Variants in DMGDH observed in about 807,000 individuals in gnomAD.
DMGDH encodes dimethylglycine dehydrogenase.
In DMGDH, 76 loss-of-function variants were observed where a neutral mutation model predicts 95.2. The ratio of observed to expected loss-of-function variants is 0.80; its 90% confidence interval spans 0.66 to 0.97. The LOEUF is 0.97. Ranked by LOEUF, DMGDH falls within the 50% of genes least tolerant of loss-of-function variation. The probability of loss-of-function intolerance (pLI) is 0.00; values close to 1 mark genes in which losing one functional copy is unlikely to be tolerated. For synonymous variants in DMGDH, 345 were observed against 377.6 expected (o/e 0.91, Z 1.00); for missense variants, 987 against 1,055.0 (o/e 0.94, Z 0.89).
chr5:79,050,248 CAAAAAAA>C lies in DMGDH; in HGVS notation c.745+1032_745+1038del, dbSNP rs57662602. Among the ~76,000 whole-genome samples, 564 of 78,386 alleles carry C rather than the reference CAAAAAAA, an allele frequency of 7.2e-3. 3 individuals carry two copies. The highest frequency in any genetic ancestry group is 0.029 in the African/African-American group (541 of 18,688). The allele number at this position is 78,386 out of a possible 152,430, so 51.4% of individuals were successfully genotyped here. ...GGGGCACAAGAGCAAAACTTTGTCT[CAAAAAAA>C]AAAAAAAAAAAAAAAAAAATATATA... On this transcript the variant is annotated intron_variant, in intron 5 of 15. Coordinates refer to ENST00000255189, the MANE Select transcript of DMGDH (RefSeq NM_013391.3).
chr5:79,045,773 T>C (rs1166951028), intron 5 of DMGDH, among the ~76,000 whole-genome samples: 2 of 152,206 alleles, frequency 1.3e-5, no homozygotes, highest in African/African-American at 2.4e-5. Context: ...TAACCAGTAC[T>C]GTCTCTGCTG....
intron 7 of DMGDH, among the ~76,000 whole-genome samples, chr5:79,041,105 C>T (rs1213483496): frequency 1.3e-5 from 2 of 152,208 alleles, no homozygotes; most frequent in Admixed American, 6.5e-5. Context: ...TTTCTCTTTC[C>T]CTTCAATATC....
At chr5:79,031,203 T>C (rs1021561288) in intron 9 of DMGDH, among the ~76,000 whole-genome samples, 7 of 152,232 alleles carry the variant, frequency 4.6e-5, no homozygotes, top group African/African-American at 1.7e-4. Context: ...AAGTTACTCA[T>C]TTATCCCTTT....
intron 2 of DMGDH, 60 bp from the exon 3 acceptor site, chr5:79,055,968 A>G (rs1729446020): frequency 2.7e-6 from 3 of 1,121,328 alleles, no homozygotes; most frequent in Non-Finnish European, 4.0e-6. Context: ...AAATGTTGAC[A>G]GTTTATCTGT....
chr5:79,024,869 T>C (rs1753956606), intron 13 of DMGDH, among the ~76,000 whole-genome samples: 1 of 152,242 alleles, frequency 6.6e-6, no homozygotes, highest in African/African-American at 2.4e-5. Flanking sequence ...ACGCCAATAT[T>C]TGGTAATAGA....
intron 5 of DMGDH, among the ~76,000 whole-genome samples, chr5:79,048,786 CACA>C (rs1168010624): frequency 1.7e-4 from 26 of 151,832 alleles, no homozygotes; most frequent in African/African-American, 6.3e-4. Context: ...CACACACACA[CACA>C]CCCCTCCACA....
chr5:79,025,212 C>T (rs1294056001), intron 13 of DMGDH, among the ~76,000 whole-genome samples: 1 of 152,300 alleles, frequency 6.6e-6, no homozygotes, highest in African/African-American at 2.4e-5. Context: ...GAGAAAAGCT[C>T]TCCAGAGGAG....
At chr5:79,042,176 C>T (rs1754527878) in intron 7 of DMGDH, 107 bp downstream of exon 7, 3 of 1,059,840 alleles carry the variant, frequency 2.8e-6, no homozygotes, top group Non-Finnish European at 4.3e-6. Context: ...CTCTTTCTCT[C>T]TCTCTCAGCC....
chr5:79,065,902 A>C (rs981669669), intron 1 of DMGDH, among the ~76,000 whole-genome samples: 2 of 152,212 alleles, frequency 1.3e-5, no homozygotes, highest in Admixed American at 1.3e-4. Context: ...TCATTGACCG[A>C]AACATCATTA....
intron 8 of DMGDH, 129 bp downstream of exon 8, chr5:79,033,110 G>C: frequency 1.7e-6 from 2 of 1,172,500 alleles, no homozygotes; most frequent in Non-Finnish European, 2.5e-6. Context: ...TATGTCTCAG[G>C]GGCACAATGC....
chr5:79,026,971 A>C (rs1754020586), intron 12 of DMGDH, among the ~76,000 whole-genome samples: 2 of 152,198 alleles, frequency 1.3e-5, no homozygotes, highest in Admixed American at 1.3e-4. Context: ...TCAAGGTTTA[A>C]ACCAACCCCT....
chr5:79,061,737 T>C (rs1197755001), intron 2 of DMGDH, among the ~76,000 whole-genome samples: 2 of 151,906 alleles, frequency 1.3e-5, no homozygotes, highest in East Asian at 1.9e-4. Flanking sequence ...CCGGGCAACA[T>C]AGTGAGACCC....
At chr5:79,030,172 A>C (rs913565691) in intron 10 of DMGDH, 138 bp from the exon 11 acceptor site, 24 of 743,518 alleles carry the variant, frequency 3.2e-5, no homozygotes, top group South Asian at 1.4e-4. Context: ...CGTATGAATT[A>C]TCTGTAAACC....
chr5:79,024,192 T>C, intron 14 of DMGDH, 79 bp downstream of exon 14: 1 of 1,340,032 alleles, frequency 7.5e-7, no homozygotes, highest in Non-Finnish European at 1.1e-6. Flanking sequence ...CTTGGTTAAA[T>C]TTTAAAGAAT....
intron 7 of DMGDH, among the ~76,000 whole-genome samples, chr5:79,035,035 A>C (rs1229322636): frequency 1.8e-4 from 21 of 118,410 alleles, no homozygotes; most frequent in East Asian, 5.1e-4. Flanking sequence ...CCAACCTGGG[A>C]GACACAGCGA....
Position 79,069,664 on chromosome 5 carries a change from G to T in DMGDH, c.-44C>A, listed in dbSNP as rs1414770508. ...GGCGCAGGCGCCTGCTCCGAGGCCA[G>T]CGGGCAGCCTGAGGCCGCGGGGCCG... On this transcript the variant is annotated 5_prime_UTR_variant, in exon 1 of 16. The change creates a new upstream start codon in the 5' untranslated region. Transcript: ENST00000255189. 1.5e-6 allele frequency: 2 copies of T among 1,299,594 alleles called. No individual in the cohort carries two copies. 80.5% of individuals were successfully genotyped at this position (1,299,594 alleles called of 1,614,324 possible).
intron 1 of DMGDH, among the ~76,000 whole-genome samples, chr5:79,066,453 T>C (rs1472147197): frequency 1.5e-5 from 2 of 135,788 alleles, no homozygotes; most frequent in African/African-American, 5.9e-5. Flanking sequence ...GCCCGGCTAA[T>C]TTTTTTTTTT....
At chr5:79,048,881 A>G (rs1754755767) in intron 5 of DMGDH, among the ~76,000 whole-genome samples, 1 of 152,036 alleles carries the variant, frequency 6.6e-6, no homozygotes, top group Non-Finnish European at 1.5e-5. Context: ...AAAAAAAAAG[A>G]TTAGGGAGCA....
At chr5:79,008,603 T>C (rs972988215) in intron 14 of DMGDH, among the ~76,000 whole-genome samples, 4 of 152,084 alleles carry the variant, frequency 2.6e-5, no homozygotes, top group Admixed American at 2.0e-4. Context: ...TGAGAGCTAT[T>C]GGGGCAGAGC....
Sources: allele counts gnomAD v4.1 joint callset (sites outside exome capture counted in the v4.1 genomes callset), GRCh38; gene constraint gnomAD v4.1.1; transcripts MANE v1.5; gene names NCBI Gene and HGNC (gene_info 2026-07-23, HGNC 2026-07-21).